OMA1: variants seen among roughly 807,000 people sequenced by gnomAD.
OMA1 encodes metalloendopeptidase OMA1, mitochondrial.
Under a neutral mutation model 30.9 loss-of-function variants are expected in OMA1, and 38 were observed. That is an observed-to-expected ratio of 1.23 (90% CI 0.95 to 1.61). The LOEUF is 1.61. OMA1 is among the 40% of genes most tolerant of loss of function. The pLI is 0.00. For synonymous variants in OMA1, 173 were observed against 121.9 expected (o/e 1.42, Z -2.76); for missense variants, 461 against 349.2 (o/e 1.32, Z -2.55).
intron 7 of OMA1, among the ~76,000 whole-genome samples, chr1:58,524,888 G>A (rs1298860599): frequency 6.6e-6 from 1 of 152,200 alleles, no homozygotes; most frequent in Admixed American, 6.5e-5. Flanking sequence ...TTACTGGAGA[G>A]AAAGCTGCTC....
At chr1:58,531,965 C>T (rs1301001972) in intron 5 of OMA1, among the ~76,000 whole-genome samples, 1 of 152,060 alleles carries the variant, frequency 6.6e-6, no homozygotes, top group African/African-American at 2.4e-5. Flanking sequence ...CCTCAGCCTC[C>T]CAAAGTGCTG....
At chr1:58,532,755 G>A (rs373712955) in intron 5 of OMA1, among the ~76,000 whole-genome samples, 11 of 152,052 alleles carry the variant, frequency 7.2e-5, no homozygotes, top group African/African-American at 2.7e-4. Flanking sequence ...CAAACTCCTG[G>A]GCTCAAGCAA....
intron 7 of OMA1, among the ~76,000 whole-genome samples, chr1:58,518,714 CA>C (rs1646212884): frequency 6.6e-6 from 1 of 151,622 alleles, no homozygotes; most frequent in Non-Finnish European, 1.5e-5. Flanking sequence ...AAAGGGAGAC[CA>C]GAAGAAAAAC....
At position 58,518,290 on chromosome 1, in the gene OMA1, GA is replaced by G. The variant is rs1372148936; in HGVS notation, c.1215+8970del. Among the ~76,000 whole-genome samples, 19 of 29,088 alleles carry G rather than the reference GA, an allele frequency of 6.5e-4. 1 individual carries two copies. Among genetic ancestry groups the G allele is most frequent in the Middle Eastern group, 0.032 (2 of 62 alleles). 19.1% of individuals were successfully genotyped at this position (29,088 alleles called of 152,430 possible). A position where few individuals can be genotyped will look rare whatever the true frequency, so the allele number is the denominator to read the frequency against. On this transcript the variant is annotated intron_variant, in intron 7 of 8. Transcript: ENST00000371226. Reference sequence around the variant, plus strand: ...GGAGAGAGGAGAGGAGAAGAGAAGAGAAGAGAAGAGAAGAGAAGAGAAGAGA... The same window carrying G: ...GGAGAGAGGAGAGGAGAAGAGAAGAGAGAGAAGAGAAGAGAAGAGAAGAGA...
At chr1:58,519,486 C>T (rs1646226629) in intron 7 of OMA1, among the ~76,000 whole-genome samples, 1 of 152,066 alleles carries the variant, frequency 6.6e-6, no homozygotes, top group Non-Finnish European at 1.5e-5. Context: ...GCTCATCATC[C>T]CAGCCTATGC....
intron 8 of OMA1, among the ~76,000 whole-genome samples, chr1:58,498,784 T>C (rs1281580963): frequency 6.6e-6 from 1 of 151,956 alleles, no homozygotes; most frequent in Non-Finnish European, 1.5e-5. Flanking sequence ...GAATGATTCA[T>C]GATTTCATCT....
chr1:58,525,178 T>C (rs1646330419), intron 7 of OMA1, among the ~76,000 whole-genome samples: 1 of 152,208 alleles, frequency 6.6e-6, no homozygotes, highest in African/African-American at 2.4e-5. Flanking sequence ...GACTAATATC[T>C]ACATGTATTT....
At chr1:58,490,592 T>C (rs559793446) in intron 8 of OMA1, among the ~76,000 whole-genome samples, 25 of 151,994 alleles carry the variant, frequency 1.6e-4, no homozygotes, top group African/African-American at 5.8e-4. Flanking sequence ...ATACAGAGAA[T>C]GCCACAAAGA....
chr1:58,492,088 C>G (rs1192787816), intron 8 of OMA1, among the ~76,000 whole-genome samples: 2 of 152,134 alleles, frequency 1.3e-5, no homozygotes, highest in South Asian at 2.1e-4. Flanking sequence ...TGCAATCAAA[C>G]TAGAACTCAG....
intron 7 of OMA1, among the ~76,000 whole-genome samples, chr1:58,510,143 A>C (rs1433184021): frequency 2.9e-5 from 4 of 135,964 alleles, no homozygotes; most frequent in Non-Finnish European, 3.2e-5. Flanking sequence ...TTATGAGGCC[A>C]GCCATTACCC....
At chr1:58,532,021 T>C (rs1350564159) in intron 5 of OMA1, among the ~76,000 whole-genome samples, 1 of 152,164 alleles carries the variant, frequency 6.6e-6, no homozygotes, top group Non-Finnish European at 1.5e-5. Flanking sequence ...TATGAAATTA[T>C]TTTAACATGA....
At chr1:58,485,912 A>G (rs939783063) in intron 8 of OMA1, among the ~76,000 whole-genome samples, 2 of 152,200 alleles carry the variant, frequency 1.3e-5, no homozygotes, top group African/African-American at 2.4e-5. Flanking sequence ...TTAGGAGTTT[A>G]TGGTTTAAGA....
At chr1:58,502,740 T>C (rs1295130664) in intron 8 of OMA1, among the ~76,000 whole-genome samples, 1 of 152,224 alleles carries the variant, frequency 6.6e-6, no homozygotes, top group African/African-American at 2.4e-5. Context: ...GAGTTATGAC[T>C]GTATATTCTA....
Position 58,499,675 on chromosome 1 carries a change from T to G in OMA1, c.1365+6385A>C, listed in dbSNP as rs374343000. ...ACATTCTTGCCACAAAAAGTAAGTA[T>G]GTGAGGTGATTAATATCTTAGTTGG... On this transcript the variant is annotated intron_variant, in intron 8 of 8. Transcript: ENST00000371226. Among the ~76,000 whole-genome samples, 4 of 152,324 alleles carry G rather than the reference T, an allele frequency of 2.6e-5. No homozygotes were observed. The South Asian group carries it at 6.2e-4, about 24-fold the overall frequency.
chr1:58,510,723 A>C (rs898710790), intron 7 of OMA1, among the ~76,000 whole-genome samples: 5 of 151,862 alleles, frequency 3.3e-5, no homozygotes, highest in Non-Finnish European at 7.4e-5. Flanking sequence ...AAAACTAAAG[A>C]CTCCACACAC....
intron 3 of OMA1, among the ~76,000 whole-genome samples, chr1:58,536,074 T>C (rs1216770118): frequency 6.6e-6 from 1 of 152,186 alleles, no homozygotes; most frequent in African/African-American, 2.4e-5. Context: ...ATAATTATGT[T>C]ACTCTCATGA....
intron 8 of OMA1, among the ~76,000 whole-genome samples, chr1:58,489,523 A>G (rs907841355): frequency 5.3e-5 from 8 of 152,134 alleles, no homozygotes; most frequent in African/African-American, 1.9e-4. Flanking sequence ...GGGGCAGGGC[A>G]TAGCCAAACA....
intron 8 of OMA1, among the ~76,000 whole-genome samples, chr1:58,490,795 C>CTTAACATTCT (rs1645669202): frequency 5.1e-5 from 3 of 59,244 alleles, no homozygotes; most frequent in Non-Finnish European, 8.9e-5. Flanking sequence ...AGTCAACATT[C>CTTAACATTCT]TTTTTTTTTT....
chr1:58,534,051 T>C lies in OMA1; in HGVS notation c.913A>G (p.Met305Val). ...TTTAAAAATCCAGTGAAAACAAACATTTGTCCATTCTGCACCACAAAGAAA... is the reference window on the plus strand; with the variant it reads ...TTTAAAAATCCAGTGAAAACAAACACTTGTCCATTCTGCACCACAAAGAAA... ...INAFVLPNGQ[M>V]FVFTGFLNSV... is the part of the protein sequence containing the mutation. The change falls in exon 5 of 9, where the codon ATG becomes GTG. Residue 305 changes from methionine to valine, a missense_variant. Coordinates refer to ENST00000371226, the MANE Select transcript of OMA1 (RefSeq NM_145243.5). 1.1e-6 allele frequency: 1 copy of C among 870,624 alleles called. No homozygotes were observed. The highest frequency in any genetic ancestry group is 2.0e-6 in the Non-Finnish European group (1 of 501,188). The allele number at this position is 870,624 out of a possible 1,614,324, so 53.9% of individuals were successfully genotyped here.
Sources: gnomAD v4.1 joint callset for allele counts (sites outside exome capture counted in the v4.1 genomes callset) on GRCh38, gnomAD v4.1.1 for gene constraint, MANE v1.5 for transcripts, NCBI Gene and HGNC (gene_info 2026-07-23, HGNC 2026-07-21) for gene names.